Variants in PRKD1 observed in about 807,000 individuals in gnomAD.
The protein encoded by PRKD1 is protein kinase D1, also known as serine/threonine-protein kinase D1.
PRKD1 carries 63 observed loss-of-function variants against 95.9 expected under a neutral mutation model. The ratio of observed to expected loss-of-function variants is 0.66; its 90% confidence interval spans 0.54 to 0.81. The LOEUF is 0.81. Ranked by LOEUF, PRKD1 falls within the 30% of genes least tolerant of loss-of-function variation. PRKD1 has a pLI of 0.00. For missense variants in PRKD1, 1,048 were observed against 1,165.3 expected, an observed-to-expected ratio of 0.90 and a Z score of 1.47; for synonymous variants, 425 against 423.1, an observed-to-expected ratio of 1.00 and a Z score of -0.05.
In PRKD1 at chr14:29,838,115, G is replaced by A. The variant is rs186959821; in HGVS notation, c.264+89134C>T. Among the ~76,000 whole-genome samples, 36 of 152,218 alleles carry A rather than the reference G, an allele frequency of 2.4e-4. No individual in the cohort carries two copies. The East Asian group carries it at 5.2e-3, about 22-fold the overall frequency. Reference sequence around the variant, plus strand: ...AAGACCTCAGCATGCTTTGTGAAGCGAAATGGATTCTGAAGTTTTCCTGAT... The same window carrying A: ...AAGACCTCAGCATGCTTTGTGAAGCAAAATGGATTCTGAAGTTTTCCTGAT... On this transcript the variant is annotated intron_variant, in intron 1 of 17. Coordinates refer to ENST00000331968, the MANE Select transcript of PRKD1 (RefSeq NM_002742.3).
At position 29,662,946 on chromosome 14, in the gene PRKD1, C is replaced by T. The variant is rs185941455; in HGVS notation, c.696+753G>A. 2.0e-3 allele frequency among the ~76,000 whole-genome samples: 297 copies of T among 150,676 alleles called. 1 individual carries two copies. The highest frequency in any genetic ancestry group is 3.7e-3 in the Non-Finnish European group (251 of 67,672). On this transcript the variant is annotated intron_variant, in intron 4 of 17. Transcript: ENST00000331968. ...GAATGTGTTTTTATTTTAAATAATT[C>T]ACATAATTACCACAATTTTTATTTT...
chr14:29,756,532 C>T, intron 1 of PRKD1, among the ~76,000 whole-genome samples: 1 of 152,178 alleles, frequency 6.6e-6, no homozygotes, highest in East Asian at 1.9e-4. Context: ...ACAGCTAGCT[C>T]TTTGGAACGT....
At chr14:29,696,087 G>A (rs531193371) in intron 2 of PRKD1, among the ~76,000 whole-genome samples, 10 of 152,278 alleles carry the variant, frequency 6.6e-5, no homozygotes, top group Admixed American at 6.5e-4. Flanking sequence ...GCAATAACTA[G>A]CATATAAAGC....
chr14:29,723,141 A>C (rs1885979281), intron 2 of PRKD1, among the ~76,000 whole-genome samples: 1 of 152,212 alleles, frequency 6.6e-6, no homozygotes, highest in African/African-American at 2.4e-5. Context: ...TATGTTAACA[A>C]AACCAAGGAT....
intron 2 of PRKD1, among the ~76,000 whole-genome samples, chr14:29,713,739 T>C (rs1885451855): frequency 6.6e-6 from 1 of 152,176 alleles, no homozygotes; most frequent in Non-Finnish European, 1.5e-5. Flanking sequence ...TTTCTACTTT[T>C]CCTGTATCCT....
intron 1 of PRKD1, among the ~76,000 whole-genome samples, chr14:29,729,772 A>G (rs1293586968): frequency 6.6e-6 from 1 of 152,062 alleles, no homozygotes; most frequent in Admixed American, 6.5e-5. Flanking sequence ...ACTTAGTTTA[A>G]TATGACCATT....
At chr14:29,800,727 C>A (rs1437768574) in intron 1 of PRKD1, among the ~76,000 whole-genome samples, 1 of 152,026 alleles carries the variant, frequency 6.6e-6, no homozygotes, top group Non-Finnish European at 1.5e-5. Flanking sequence ...AAATGAGTAT[C>A]TTCAACAATT....
intron 1 of PRKD1, among the ~76,000 whole-genome samples, chr14:29,834,031 A>G (rs991801672): frequency 6.6e-6 from 1 of 152,154 alleles, no homozygotes. Context: ...GATCCCCTCC[A>G]CAGATTTCCT....
At chr14:29,806,133 C>G (rs1247690461) in intron 1 of PRKD1, among the ~76,000 whole-genome samples, 1 of 152,160 alleles carries the variant, frequency 6.6e-6, no homozygotes, top group Non-Finnish European at 1.5e-5. Flanking sequence ...AGGACACAAA[C>G]AGTTTACTTC....
chr14:29,590,389 T>C (rs1390362581), intron 16 of PRKD1, among the ~76,000 whole-genome samples: 1 of 152,168 alleles, frequency 6.6e-6, no homozygotes, highest in Non-Finnish European at 1.5e-5. Flanking sequence ...GTGACATTTA[T>C]TAAAAACGTT....
At chr14:29,899,936 T>C (rs118071998) in intron 1 of PRKD1, among the ~76,000 whole-genome samples, 9,882 of 152,160 alleles carry the variant, frequency 0.065, 395 homozygotes, top group South Asian at 0.11. Flanking sequence ...TGAGTTCTCA[T>C]GAGATCTGAT....
intron 4 of PRKD1, among the ~76,000 whole-genome samples, chr14:29,651,561 T>C (rs187699847): frequency 1.4e-4 from 21 of 152,192 alleles, no homozygotes; most frequent in African/African-American, 4.8e-4. Context: ...GAATTTTCTC[T>C]AGTTTCTAGA....
intron 1 of PRKD1, among the ~76,000 whole-genome samples, chr14:29,853,303 G>T (rs566047749): frequency 6.6e-6 from 1 of 152,280 alleles, no homozygotes; most frequent in East Asian, 1.9e-4. Context: ...ATGCACTTCT[G>T]TGCACCCTAT....
chr14:29,813,386 T>A (rs1890568940), intron 1 of PRKD1, among the ~76,000 whole-genome samples: 2 of 152,146 alleles, frequency 1.3e-5, no homozygotes, highest in Admixed American at 6.5e-5. Flanking sequence ...AGACAAAACA[T>A]CTTGCCCATC....
intron 13 of PRKD1, among the ~76,000 whole-genome samples, chr14:29,600,775 G>A (rs1201273350): frequency 6.6e-6 from 1 of 152,104 alleles, no homozygotes; most frequent in African/African-American, 2.4e-5. Flanking sequence ...CACATTAATT[G>A]CCACATGTCA....
chr14:29,726,184 T>C (rs1258591512), intron 1 of PRKD1, among the ~76,000 whole-genome samples: 2 of 152,174 alleles, frequency 1.3e-5, no homozygotes, highest in Non-Finnish European at 2.9e-5. Context: ...AGTAGCATTA[T>C]CTAGATCCTT....
intron 1 of PRKD1, among the ~76,000 whole-genome samples, chr14:29,779,169 A>G (rs1017489681): frequency 3.9e-5 from 6 of 152,208 alleles, no homozygotes; most frequent in African/African-American, 7.2e-5. Flanking sequence ...TGAAAAACCC[A>G]CAGGCAATAT....
intron 1 of PRKD1, among the ~76,000 whole-genome samples, chr14:29,890,621 C>CT (rs994483761): frequency 1.2e-4 from 18 of 152,002 alleles, no homozygotes; most frequent in South Asian, 2.1e-4. Flanking sequence ...TGGCCTTTCT[C>CT]TTTTTTTTCT....
Position 29,578,569 on chromosome 14 carries a change from A to AAG in PRKD1, c.2435-210_2435-209insCT, listed in dbSNP as rs1329426531. On this transcript the variant is annotated intron_variant, in intron 16 of 17. Coordinates refer to ENST00000331968, the MANE Select transcript of PRKD1 (RefSeq NM_002742.3). ...AAAAAAAAAAAAAAAAAAAAAAAAA[A>AAG]AAGAAGAAGTTGGAAGTAATTATGG... Among the ~76,000 whole-genome samples, 108 of 148,624 alleles carry AAG rather than the reference A, an allele frequency of 7.3e-4. 1 individual carries two copies. In the East Asian group the frequency reaches 8.2e-3, roughly 11 times the overall value.
Sources: allele counts gnomAD v4.1 joint callset (sites outside exome capture counted in the v4.1 genomes callset), GRCh38; gene constraint gnomAD v4.1.1; transcripts MANE v1.5; gene names NCBI Gene and HGNC (gene_info 2026-07-23, HGNC 2026-07-21).